PRKCA: variants seen among roughly 807,000 people sequenced by gnomAD.
PRKCA encodes the protein protein kinase C alpha type.
In PRKCA, 27 loss-of-function variants were observed where a neutral mutation model predicts 87.0. The ratio of observed to expected loss-of-function variants is 0.31; its 90% CI spans 0.23 to 0.43. The LOEUF (loss-of-function observed/expected upper bound fraction) is 0.43. Ranked by LOEUF, PRKCA falls within the 20% of genes least tolerant of loss-of-function variation. The probability of loss-of-function intolerance (pLI) is 1.00; values close to 1 mark genes in which losing one functional copy is unlikely to be tolerated. For missense variants in PRKCA, 518 were observed against 852.3 expected, an observed-to-expected ratio of 0.61 and a Z score of 4.88; for synonymous variants, 329 against 311.1, an observed-to-expected ratio of 1.06 and a Z score of -0.61.
chr17:66,797,024 C>T (rs1975685767), intron 16 of PRKCA: 1 of 954,078 alleles, frequency 1.0e-6, no homozygotes, highest in Non-Finnish European at 1.2e-6. Flanking sequence ...TTTTGAGCTA[C>T]TCATATTTCC....
intron 3 of PRKCA, among the ~76,000 whole-genome samples, chr17:66,637,431 C>T (rs964233262): frequency 7.9e-5 from 12 of 152,182 alleles, no homozygotes; most frequent in Non-Finnish European, 1.5e-4. Flanking sequence ...CTGGCACCAA[C>T]CTACTCCCTG....
At chr17:66,392,179 G>A (rs551035600) in intron 2 of PRKCA, among the ~76,000 whole-genome samples, 5 of 151,104 alleles carry the variant, frequency 3.3e-5, no homozygotes, top group South Asian at 2.1e-4. Flanking sequence ...GCAGTGAGCC[G>A]AGGTCATGCC....
At chr17:66,337,989 C>A (rs1906805126) in intron 2 of PRKCA, among the ~76,000 whole-genome samples, 1 of 151,412 alleles carries the variant, frequency 6.6e-6, no homozygotes, top group Non-Finnish European at 1.5e-5. Flanking sequence ...TGTGATTGAA[C>A]CTGGGAATCT....
chr17:66,540,129 C>A (rs1054759129), intron 3 of PRKCA, among the ~76,000 whole-genome samples: 1 of 152,148 alleles, frequency 6.6e-6, no homozygotes, highest in Admixed American at 6.5e-5. Flanking sequence ...CCTAGGCCAG[C>A]AAACTTCGGG....
intron 3 of PRKCA, among the ~76,000 whole-genome samples, chr17:66,625,572 A>C (rs1970830843): frequency 6.6e-6 from 1 of 152,250 alleles, no homozygotes; most frequent in South Asian, 2.1e-4. Flanking sequence ...TTTTCATATC[A>C]TGATAGGCTG....
chr17:66,340,330 G>A (rs1202944941), intron 2 of PRKCA, among the ~76,000 whole-genome samples: 1 of 150,840 alleles, frequency 6.6e-6, no homozygotes, highest in Non-Finnish European at 1.5e-5. Flanking sequence ...AGGGACTGCA[G>A]AATCCTGGTA....
At chr17:66,645,534 C>T in intron 5 of PRKCA, 23 bp downstream of exon 5, 3 of 1,613,740 alleles carry the variant, frequency 1.9e-6, no homozygotes. Context: ...CATCCCGGAG[C>T]AGCATCGTGG....
At chr17:66,442,583 C>G (rs34337450) in intron 2 of PRKCA, among the ~76,000 whole-genome samples, 4,700 of 152,248 alleles carry the variant, frequency 0.031, 243 homozygotes, top group African/African-American at 0.11. Context: ...ATCAGCTGCC[C>G]TGCGTCTCCA....
At position 66,706,481 on chromosome 17, in the gene PRKCA, A is replaced by C. The variant is rs555609495; in HGVS notation, c.918+17434A>C. ...AAACCCCGTCTCTACTAAAAATACA[A>C]AAAAAAAAAAAATTAGCCAGGCATG... On this transcript the variant is annotated intron_variant, in intron 8 of 16. Transcript: ENST00000413366. Among the ~76,000 whole-genome samples, 220 of 148,588 alleles carry C rather than the reference A, an allele frequency of 1.5e-3. 1 individual carries two copies. The highest frequency in any genetic ancestry group is 3.1e-3 in the Admixed American group (46 of 14,858).
intron 2 of PRKCA, among the ~76,000 whole-genome samples, chr17:66,314,851 C>T (rs924415484): frequency 7.0e-6 from 1 of 142,406 alleles, no homozygotes; most frequent in African/African-American, 2.6e-5. Context: ...TTCTTTCTCT[C>T]TCTCTCTCTC....
At chr17:66,582,616 C>T (rs1304015114) in intron 3 of PRKCA, among the ~76,000 whole-genome samples, 1 of 108,192 alleles carries the variant, frequency 9.2e-6, no homozygotes, top group East Asian at 2.1e-4. Flanking sequence ...ACTGTGAGTC[C>T]ATTAAACCTC....
chr17:66,352,672 T>C (rs1907820253), intron 2 of PRKCA, among the ~76,000 whole-genome samples: 1 of 150,172 alleles, frequency 6.7e-6, no homozygotes, highest in South Asian at 2.1e-4. Flanking sequence ...CAAGTGATTC[T>C]CCTGCCTCAG....
intron 2 of PRKCA, among the ~76,000 whole-genome samples, chr17:66,364,671 G>A (rs1013321544): frequency 3.9e-5 from 6 of 152,160 alleles, no homozygotes; most frequent in African/African-American, 1.2e-4. Flanking sequence ...TGCCCGTAAC[G>A]TATGATGCAG....
At chr17:66,491,151 C>T (rs1325477449) in intron 2 of PRKCA, among the ~76,000 whole-genome samples, 2 of 152,084 alleles carry the variant, frequency 1.3e-5, no homozygotes, top group Non-Finnish European at 2.9e-5. Flanking sequence ...CAGTGTCGTC[C>T]GTCACTGCTG....
chr17:66,355,646 T>C, intron 2 of PRKCA, among the ~76,000 whole-genome samples: 1 of 152,164 alleles, frequency 6.6e-6, no homozygotes, highest in East Asian at 1.9e-4. Flanking sequence ...AAGCAAGTAA[T>C]CTTGAATATG....
intron 16 of PRKCA, 40 bp downstream of exon 16, chr17:66,789,019 C>T (rs1975468727): frequency 6.2e-7 from 1 of 1,612,442 alleles, no homozygotes; most frequent in South Asian, 1.1e-5. Flanking sequence ...AACCCCATGT[C>T]CCCAAATTCT....
intron 5 of PRKCA, among the ~76,000 whole-genome samples, chr17:66,674,369 TGTTCAGCA>T (rs1257430651): frequency 1.3e-5 from 2 of 152,188 alleles, no homozygotes; most frequent in Non-Finnish European, 2.9e-5. Flanking sequence ...GAGATACACG[TGTTCAGCA>T]GTTACTCAGT....
rs1485894547 is a variant in PRKCA, at chr17:66,803,613, T to C, written c.1855-260T>C. Among the ~76,000 whole-genome samples the C allele has an allele frequency of 6.6e-6, 1 of 151,656 alleles. No homozygotes were observed. Among genetic ancestry groups the C allele is most frequent in the East Asian group, 1.9e-4 (1 of 5,140 alleles). The stretch of plus-strand genomic sequence containing the variant: ...TGAGGGGACAGGGGCTGTCCCCTTG[T>C]TGCTGCCTCATTGCCAGCCGTGCAA... On this transcript the variant is annotated intron_variant, in intron 16 of 16. Coordinates refer to ENST00000413366, the MANE Select transcript of PRKCA (RefSeq NM_002737.3). This position sits in a 1 kb window ranked among gnomAD's most constrained non-coding sequence, Gnocchi z 4.4.
chr17:66,711,008 AC>A, intron 8 of PRKCA, among the ~76,000 whole-genome samples: 1 of 152,218 alleles, frequency 6.6e-6, no homozygotes, highest in East Asian at 1.9e-4. Flanking sequence ...GCACCATTGC[AC>A]TCCAGTCTGG....
Sources: allele counts gnomAD v4.1 joint callset (sites outside exome capture counted in the v4.1 genomes callset), GRCh38; gene constraint gnomAD v4.1.1; non-coding constraint Gnocchi (gnomAD v3.1); transcripts MANE v1.5; gene names NCBI Gene and HGNC (gene_info 2026-07-23, HGNC 2026-07-21).